TYW1: variants seen among roughly 807,000 people sequenced by gnomAD.
The protein encoded by TYW1 is S-adenosyl-L-methionine-dependent tRNA 4-demethylwyosine synthase TYW1.
TYW1 carries 46 observed loss-of-function variants against 96.2 expected under a neutral mutation model. The ratio of observed to expected loss-of-function variants is 0.48; its 90% CI spans 0.38 to 0.61. The LOEUF is 0.61. Ranked by LOEUF, TYW1 falls within the 20% of genes least tolerant of loss-of-function variation. The pLI is 0.00. For missense variants in TYW1, 684 were observed against 909.6 expected (o/e 0.75, Z 3.19); for synonymous variants, 274 against 323.0 (o/e 0.85, Z 1.63).
At chr7:67,202,149 G>A (rs930725310) in intron 15 of TYW1, among the ~76,000 whole-genome samples, 15 of 152,144 alleles carry the variant, frequency 9.9e-5, no homozygotes, top group African/African-American at 3.1e-4. Flanking sequence ...TTTCCTTTTC[G>A]TTGTTGATCT....
At position 67,083,557 on chromosome 7, in the gene TYW1, A is replaced by G; in HGVS notation, c.1384+18A>G. 6.2e-7 allele frequency: 1 copy of G among 1,613,386 alleles called. No individual in the cohort carries two copies. The highest frequency in any genetic ancestry group is 8.5e-7 in the Non-Finnish European group (1 of 1,179,424). On this transcript the variant is annotated intron_variant, in intron 11 of 15. Coordinates refer to ENST00000359626, the MANE Select transcript of TYW1 (RefSeq NM_018264.4). The stretch of plus-strand genomic sequence containing the variant: ...GTTTAAAGGTATTTATCTTCCCTCT[A>G]CAAAGGAATGCTAATACCTGTTAAT...
chr7:67,028,302 CTTTG>C (rs1794527413), intron 7 of TYW1, among the ~76,000 whole-genome samples: 1 of 151,010 alleles, frequency 6.6e-6, no homozygotes, highest in South Asian at 2.1e-4. Context: ...AATCCCCACA[CTTTG>C]AGAGGCCAAG....
intron 15 of TYW1, among the ~76,000 whole-genome samples, chr7:67,196,309 G>T (rs1247808864): frequency 6.6e-6 from 1 of 151,924 alleles, no homozygotes; most frequent in African/African-American, 2.4e-5. Flanking sequence ...TCAAGCTTGG[G>T]TTTTATCTTC....
intron 10 of TYW1, among the ~76,000 whole-genome samples, chr7:67,082,699 G>A (rs557798790): frequency 1.3e-3 from 192 of 152,238 alleles, no homozygotes; most frequent in African/African-American, 4.2e-3. Context: ...GGGCCCTGGC[G>A]TTGTGTCTGT....
At chr7:67,203,444 A>G (rs993013890) in intron 15 of TYW1, among the ~76,000 whole-genome samples, 5 of 152,194 alleles carry the variant, frequency 3.3e-5, no homozygotes, top group African/African-American at 1.2e-4. Context: ...GTCTCTTCGT[A>G]TAGACTTTTT....
intron 9 of TYW1, among the ~76,000 whole-genome samples, chr7:67,060,540 G>A (rs1317968548): frequency 6.6e-6 from 1 of 152,232 alleles, no homozygotes; most frequent in East Asian, 1.9e-4. Flanking sequence ...GAGCTGTTTT[G>A]TTTTGTGTAT....
chr7:67,103,985 C>G (rs1211858724), intron 12 of TYW1, among the ~76,000 whole-genome samples: 1 of 152,082 alleles, frequency 6.6e-6, no homozygotes, highest in Non-Finnish European at 1.5e-5. Flanking sequence ...ATAATGTTCT[C>G]TGGGTGGTTG....
chr7:67,090,855 C>T (rs2115815615), intron 11 of TYW1, among the ~76,000 whole-genome samples: 1 of 152,176 alleles, frequency 6.6e-6, no homozygotes, highest in East Asian at 1.9e-4. Flanking sequence ...AAATCAAAAC[C>T]ACAGTAAGAT....
intron 4 of TYW1, among the ~76,000 whole-genome samples, chr7:67,011,652 A>G (rs1247764292): frequency 6.6e-6 from 1 of 151,656 alleles, no homozygotes; most frequent in African/African-American, 2.4e-5. Flanking sequence ...TAGGTGGATC[A>G]CCTGAGGTCA....
chr7:67,050,614 C>T (rs1795323297), intron 8 of TYW1, among the ~76,000 whole-genome samples: 1 of 152,060 alleles, frequency 6.6e-6, no homozygotes, highest in Admixed American at 6.6e-5. Context: ...ACTATATCTG[C>T]TTCAAGGAAC....
chr7:67,076,013 A>G (rs1415978014), intron 10 of TYW1, among the ~76,000 whole-genome samples: 1 of 152,242 alleles, frequency 6.6e-6, no homozygotes, highest in Non-Finnish European at 1.5e-5. Context: ...TTTCCCTGGC[A>G]TACTTATACT....
At chr7:66,998,790 G>A in intron 2 of TYW1, 27 bp from the exon 3 acceptor site, 1 of 1,612,362 alleles carries the variant, frequency 6.2e-7, no homozygotes. Flanking sequence ...AGACTTGATG[G>A]ATTTTGTGTA....
intron 13 of TYW1, among the ~76,000 whole-genome samples, chr7:67,139,814 A>T (rs1453698708): frequency 1.3e-5 from 2 of 151,544 alleles, no homozygotes; most frequent in Non-Finnish European, 2.9e-5. Context: ...AATGATCACC[A>T]TATTTAAAAA....
chr7:66,997,188 CA>C (rs1346434455), intron 1 of TYW1, among the ~76,000 whole-genome samples: 1 of 152,216 alleles, frequency 6.6e-6, no homozygotes, highest in Non-Finnish European at 1.5e-5. Flanking sequence ...GGGGGTTAGA[CA>C]GAAAACTACC....
intron 13 of TYW1, among the ~76,000 whole-genome samples, chr7:67,149,711 A>G (rs1364706541): frequency 2.5e-5 from 3 of 119,854 alleles, no homozygotes; most frequent in African/African-American, 7.0e-5. Context: ...CTTGTCAAAA[A>G]AGGAAAAAAA....
intron 9 of TYW1, among the ~76,000 whole-genome samples, chr7:67,065,526 G>A (rs1795828428): frequency 1.3e-5 from 2 of 152,088 alleles, no homozygotes; most frequent in East Asian, 1.9e-4. Flanking sequence ...TACAAGATTT[G>A]AATGTTTTGT....
At chr7:67,229,654 C>CAAAA (rs10661232) in intron 15 of TYW1, among the ~76,000 whole-genome samples, 11 of 151,626 alleles carry the variant, frequency 7.3e-5, no homozygotes, top group South Asian at 2.1e-4. Context: ...ATCAAACAAA[C>CAAAA]AAAAAAAACA....
At chr7:67,050,634 G>A (rs1795324268) in intron 8 of TYW1, among the ~76,000 whole-genome samples, 1 of 151,862 alleles carries the variant, frequency 6.6e-6, no homozygotes, top group Non-Finnish European at 1.5e-5. Context: ...CCGTCGGTCT[G>A]GTGCACTAGA....
At chr7:67,163,010 C>T (rs1799207883) in intron 13 of TYW1, among the ~76,000 whole-genome samples, 1 of 152,164 alleles carries the variant, frequency 6.6e-6, no homozygotes, top group Non-Finnish European at 1.5e-5. Context: ...ATTTTGTCTT[C>T]AGCTGTTTAC....
Sources: gnomAD v4.1 joint callset for allele counts (sites outside exome capture counted in the v4.1 genomes callset) on GRCh38, gnomAD v4.1.1 for gene constraint, MANE v1.5 for transcripts, NCBI Gene and HGNC (gene_info 2026-07-23, HGNC 2026-07-21) for gene names.